Variants in PRDM10 observed in about 807,000 individuals in gnomAD.
PRDM10 encodes PR domain zinc finger protein 10.
A neutral mutation model predicts 133.1 loss-of-function variants in PRDM10; 65 were observed. The observed-to-expected ratio is 0.49, with a 90% CI of 0.40 to 0.60. The LOEUF (loss-of-function observed/expected upper bound fraction) is 0.60. PRDM10 is among the 20% of genes least tolerant of loss of function. The probability of loss-of-function intolerance (pLI) is 0.00; values close to 1 mark genes in which losing one functional copy is unlikely to be tolerated. For missense variants in PRDM10, 1,137 were observed against 1,507.1 expected (o/e 0.75, Z 4.07); for synonymous variants, 582 against 580.4 (o/e 1.00, Z -0.04).
At chr11:129,982,762 G>A (rs1361498661) in intron 1 of PRDM10, among the ~76,000 whole-genome samples, 1 of 151,980 alleles carries the variant, frequency 6.6e-6, no homozygotes, top group Non-Finnish European at 1.5e-5. Context: ...ATCAGCCTGG[G>A]CAACATGGCA....
At chr11:129,970,133 T>C (rs1951986961) in intron 1 of PRDM10, among the ~76,000 whole-genome samples, 1 of 152,196 alleles carries the variant, frequency 6.6e-6, no homozygotes, top group African/African-American at 2.4e-5. Flanking sequence ...CACCATGAAA[T>C]ATTAATAGCT....
intron 11 of PRDM10, among the ~76,000 whole-genome samples, chr11:129,926,568 A>T (rs368540085): frequency 6.6e-6 from 1 of 152,206 alleles, no homozygotes; most frequent in Non-Finnish European, 1.5e-5. Context: ...AAAACAAAAT[A>T]ATTATTTTTG....
At position 129,932,221 on chromosome 11, in the gene PRDM10, T is replaced by C. The variant is rs1950892975; in HGVS notation, c.1168A>G (p.Arg390Gly). The C allele has an allele frequency of 6.2e-7, 1 of 1,614,044 alleles. No individual in the cohort carries two copies. The highest frequency in any genetic ancestry group is 8.5e-7 in the Non-Finnish European group (1 of 1,179,944). Residue 390 changes from arginine (R) to glycine (G), a missense_variant, in exon 10 of 21, where the codon AGA (arginine) becomes GGA (glycine). Coordinates refer to ENST00000360871, the MANE Select transcript of PRDM10 (RefSeq NM_199437.2). ...KLDVFSRTRG[R>G]GRGRGKRRFG... ...CGCCTCTTGCCTCGTCCCCTTCCTC[T>C]GCCTCTTGTTCTGGGGACAAGAGAT...
intron 7 of PRDM10, among the ~76,000 whole-genome samples, chr11:129,938,723 A>G (rs1951113118): frequency 6.6e-6 from 1 of 152,218 alleles, no homozygotes. Flanking sequence ...ACTAACATGT[A>G]TCAATAAAAA....
chr11:129,959,055 C>A (rs142823177), intron 2 of PRDM10, among the ~76,000 whole-genome samples: 1 of 152,184 alleles, frequency 6.6e-6, no homozygotes, highest in Non-Finnish European at 1.5e-5. Flanking sequence ...CGAAGTCACG[C>A]ACTCTTAGGG....
chr11:129,976,539 G>A (rs1937766440), intron 1 of PRDM10, among the ~76,000 whole-genome samples: 1 of 152,186 alleles, frequency 6.6e-6, no homozygotes, highest in African/African-American at 2.4e-5. Context: ...GAAAAGAAAT[G>A]ACAGCACAGA....
intron 1 of PRDM10, among the ~76,000 whole-genome samples, chr11:129,968,271 C>T (rs1244385445): frequency 6.6e-6 from 1 of 152,218 alleles, no homozygotes; most frequent in Non-Finnish European, 1.5e-5. Context: ...AAGTGTACCA[C>T]ATTCCAGACA....
At chr11:129,956,820 G>A (rs1019561924) in intron 3 of PRDM10, among the ~76,000 whole-genome samples, 1 of 152,094 alleles carries the variant, frequency 6.6e-6, no homozygotes, top group Admixed American at 6.5e-5. Context: ...TCAAATGAGG[G>A]CAAATTTTTC....
At chr11:129,924,606 T>C (rs558429564) in intron 12 of PRDM10, among the ~76,000 whole-genome samples, 3 of 152,352 alleles carry the variant, frequency 2.0e-5, no homozygotes, top group African/African-American at 7.2e-5. Context: ...GACATTGACA[T>C]GGATTATGAA....
At chr11:129,938,457 C>T (rs1951103205) in intron 7 of PRDM10, among the ~76,000 whole-genome samples, 1 of 152,180 alleles carries the variant, frequency 6.6e-6, no homozygotes, top group Admixed American at 6.5e-5. Flanking sequence ...CCTTTGATTC[C>T]TCCGCTTGCT....
chr11:129,913,600 A>G, intron 17 of PRDM10, among the ~76,000 whole-genome samples: 1 of 152,202 alleles, frequency 6.6e-6, no homozygotes, highest in East Asian at 1.9e-4. Flanking sequence ...TATCATAAAC[A>G]TCTTTGAAAA....
At chr11:129,907,873 T>C (rs1019186990) in intron 19 of PRDM10, among the ~76,000 whole-genome samples, 8 of 152,006 alleles carry the variant, frequency 5.3e-5, no homozygotes, top group Non-Finnish European at 1.2e-4. Flanking sequence ...GAAGATCACT[T>C]GAGCCCAGAA....
rs574295091 is a variant in PRDM10, at chr11:129,944,551, C to G, written c.762+220G>C. 6.0e-5 allele frequency among the ~76,000 whole-genome samples: 9 copies of G among 150,256 alleles called. No homozygotes were observed. The South Asian group carries it at 6.3e-4, about 11-fold the overall frequency. ...AGTGAGCCGAGATCGCGCCACTGCACTCCAGCCTGGGCGACAGAGCAAGAC... is the reference window on the plus strand; with the variant it reads ...AGTGAGCCGAGATCGCGCCACTGCAGTCCAGCCTGGGCGACAGAGCAAGAC... On this transcript the variant is annotated intron_variant, in intron 6 of 20. Coordinates refer to ENST00000360871, the MANE Select transcript of PRDM10 (RefSeq NM_199437.2).
At chr11:129,910,828 G>C (rs927736278) in intron 18 of PRDM10, among the ~76,000 whole-genome samples, 172 bp from the exon 19 acceptor site, 1 of 152,100 alleles carries the variant, frequency 6.6e-6, no homozygotes, top group Non-Finnish European at 1.5e-5. Flanking sequence ...CCAGGCTGGA[G>C]TGCAACGGCA....
intron 4 of PRDM10, among the ~76,000 whole-genome samples, chr11:129,954,090 G>A (rs983824269): frequency 6.6e-6 from 1 of 150,480 alleles, no homozygotes; most frequent in South Asian, 2.1e-4. Flanking sequence ...AGTCATGAAT[G>A]AATTTAACCC....
At chr11:129,962,850 G>T (rs1035547190) in intron 1 of PRDM10, among the ~76,000 whole-genome samples, 8 of 151,946 alleles carry the variant, frequency 5.3e-5, no homozygotes, top group Non-Finnish European at 1.2e-4. Flanking sequence ...GAAACAAAAG[G>T]TATTAAGAAA....
intron 1 of PRDM10, among the ~76,000 whole-genome samples, chr11:129,995,642 GA>G (rs147180525): frequency 1.3e-5 from 2 of 150,130 alleles, no homozygotes; most frequent in Non-Finnish European, 3.0e-5. Context: ...TAAGAATCTT[GA>G]AAAAAAAAGG....
In PRDM10 at chr11:129,961,019, A is replaced by C. The variant is rs891299596; in HGVS notation, c.-55T>G. 1.9e-6 allele frequency: 3 copies of C among 1,543,612 alleles called. No individual in the cohort carries two copies. The African/African-American group carries it at 4.1e-5, about 21-fold the overall frequency. ...GCACACCTAGAGCAGCACAGGGTAC[A>C]GGACAGTCATCTGTCTACCACACGT... On this transcript the variant is annotated 5_prime_UTR_variant, in exon 2 of 21. Transcript: ENST00000360871.
chr11:129,913,304 T>C (rs770197161), intron 17 of PRDM10, among the ~76,000 whole-genome samples: 19 of 149,880 alleles, frequency 1.3e-4, no homozygotes, highest in Non-Finnish European at 2.2e-4. Context: ...TCAGCTCCAA[T>C]GCTGCACTCG....
Sources: allele counts gnomAD v4.1 joint callset (sites outside exome capture counted in the v4.1 genomes callset), GRCh38; gene constraint gnomAD v4.1.1; transcripts MANE v1.5; gene names NCBI Gene and HGNC (gene_info 2026-07-23, HGNC 2026-07-21).